The following PPP1R15B variants were observed in gnomAD, a reference collection of about 807,000 sequenced individuals.
PPP1R15B encodes protein phosphatase 1, regulatory (inhibitor) subunit 15B.
A neutral mutation model predicts 53.9 loss-of-function variants in PPP1R15B; 31 were observed. The observed-to-expected ratio is 0.58, with a 90% CI of 0.43 to 0.78. The LOEUF (loss-of-function observed/expected upper bound fraction) is 0.78, where lower values mean the gene tolerates loss of function less well. Ranked by LOEUF, PPP1R15B falls within the 30% of genes least tolerant of loss-of-function variation. PPP1R15B has a pLI of 0.00. For missense variants in PPP1R15B, 928 were observed against 849.6 expected, an observed-to-expected ratio of 1.09 and a Z score of -1.15; for synonymous variants, 345 against 329.1, an observed-to-expected ratio of 1.05 and a Z score of -0.52.
In PPP1R15B at chr1:204,403,422, GATTA is replaced by G. The variant is rs1221470548; in HGVS notation, c.*2666_*2669del. ...GCAAATATATTTATTACAATTTACAGATTAGTTATGTTATATACACAAATATAAT... is the reference window on the plus strand; with the variant it reads ...GCAAATATATTTATTACAATTTACAGGTTATGTTATATACACAAATATAAT... On this transcript the variant is annotated 3_prime_UTR_variant, in exon 2 of 2. Transcript: ENST00000367188. The G allele has an allele frequency of 3.4e-5, 25 of 736,770 alleles. No individual in the cohort carries two copies. Among genetic ancestry groups the G allele is most frequent in the African/African-American group, 2.7e-4 (14 of 52,142 alleles). The allele number at this position is 736,770 out of a possible 1,614,324, so 45.6% of individuals were successfully genotyped here.
downstream of PPP1R15B, among the ~76,000 whole-genome samples, chr1:204,398,678 G>T (rs1340735905): frequency 1.3e-5 from 2 of 152,112 alleles, no homozygotes; most frequent in African/African-American, 2.4e-5. Flanking sequence ...ATAGCAACCA[G>T]ATCTGTAATA....
chr1:204,406,283 A>G lies in PPP1R15B; in HGVS notation c.1951T>C (p.Tyr651His). ...TTGCGATCCTCATCACCACTTATAT[A>G]ATACTCAGTAACTTCTTCAAGGAAG... is the stretch of plus-strand genomic sequence containing the variant. ...VTFLEEVTEY[Y>H]ISGDEDRKGP... The change falls in exon 2 of 2, where the codon TAT (tyrosine) becomes CAT (histidine). Residue 651 changes from tyrosine to histidine, a missense_variant. Transcript: ENST00000367188. 1 of 1,613,992 alleles carries G rather than the reference A, an allele frequency of 6.2e-7. No individual in the cohort carries two copies. Among genetic ancestry groups the G allele is most frequent in the East Asian group, 2.2e-5 (1 of 44,878 alleles).
chr1:204,396,552 CAA>C (rs5780236), downstream of PPP1R15B, among the ~76,000 whole-genome samples: 10 of 131,010 alleles, frequency 7.6e-5, no homozygotes, highest in Admixed American at 1.5e-4. Context: ...CCCTGTCTGT[CAA>C]AAAAAAAAAA....
rs376785542 is a variant in PPP1R15B at position 204,410,850 on chromosome 1, T to C, written c.562A>G (p.Ser188Gly). ...GAGTACAGACGGGATTGAAGGCTAC[T>C]GGGCAACAGCTCCACTCCCCACAGC... ...QQLWGVELLP[S>G]SLQSRLYSNR... Residue 188 changes from serine to glycine, a missense_variant, in exon 1 of 2, where the codon AGT (serine) becomes GGT (glycine). Coordinates refer to ENST00000367188, the MANE Select transcript of PPP1R15B (RefSeq NM_032833.5). 2.7e-5 allele frequency: 44 copies of C among 1,614,114 alleles called. 1 individual carries two copies. In the Admixed American group the frequency reaches 7.0e-4, roughly 26 times the overall value.
In PPP1R15B at chr1:204,406,013, C is replaced by A; in HGVS notation, c.*79G>T. 4.6e-6 allele frequency: 7 copies of A among 1,517,202 alleles called. No homozygotes were observed. Among genetic ancestry groups the A allele is most frequent in the East Asian group, 2.3e-5 (1 of 43,490 alleles). 94.0% of individuals were successfully genotyped at this position (1,517,202 alleles called of 1,614,324 possible). A position where few individuals can be genotyped will look rare whatever the true frequency, so the allele number is the denominator to read the frequency against. ...CTCTAAAAAAAAAAATGTCAAAGGA[C>A]AGCTGCCAAGATTTGTTTTTAAAAG... On this transcript the variant is annotated 3_prime_UTR_variant, in exon 2 of 2. Coordinates refer to ENST00000367188, the MANE Select transcript of PPP1R15B (RefSeq NM_032833.5).
chr1:204,407,746 G>A (rs185429754), intron 1 of PPP1R15B, among the ~76,000 whole-genome samples: 6 of 152,052 alleles, frequency 3.9e-5, no homozygotes, highest in Non-Finnish European at 7.4e-5. Context: ...TTAACCCTAT[G>A]AGGTATGGAC....
At chr1:204,399,435 C>A (rs1331387830), downstream of PPP1R15B, among the ~76,000 whole-genome samples, 1 of 152,064 alleles carries the variant, frequency 6.6e-6, no homozygotes, top group Admixed American at 6.6e-5. Context: ...TGGCATCTGC[C>A]TGTAGTCCCA....
At chr1:204,409,127 G>A (rs1674313539) in intron 1 of PPP1R15B, among the ~76,000 whole-genome samples, 1 of 152,156 alleles carries the variant, frequency 6.6e-6, no homozygotes, top group South Asian at 2.1e-4. Context: ...GCTGTAACAG[G>A]ACCTTTTCAA....
chr1:204,408,349 A>T (rs1247040444), intron 1 of PPP1R15B, among the ~76,000 whole-genome samples: 4 of 152,242 alleles, frequency 2.6e-5, no homozygotes, highest in African/African-American at 4.8e-5. Flanking sequence ...GAGAGATGGC[A>T]TTTACAAAGT....
At chr1:204,397,253 G>A (rs954980358), downstream of PPP1R15B, among the ~76,000 whole-genome samples, 8 of 151,938 alleles carry the variant, frequency 5.3e-5, no homozygotes, top group African/African-American at 1.9e-4. Flanking sequence ...GCCCAGGCGT[G>A]ATGGCTCACG....
rs569566893 is a variant in PPP1R15B, at chr1:204,411,648, C to T, written c.-237G>A. 9 of 595,210 alleles carry T rather than the reference C, an allele frequency of 1.5e-5. No individual in the cohort carries two copies. The highest frequency in any genetic ancestry group is 2.7e-5 in the Non-Finnish European group (9 of 337,986). 36.9% of individuals were successfully genotyped at this position (595,210 alleles called of 1,614,324 possible). A position where few individuals can be genotyped will look rare whatever the true frequency, so the allele number is the denominator to read the frequency against. Reference sequence around the variant, plus strand: ...GCGACTGATGCGACTTCCATCCTGGCGGGGAAGGAGGTTCCCTAGTCGGCT... The same window carrying T: ...GCGACTGATGCGACTTCCATCCTGGTGGGGAAGGAGGTTCCCTAGTCGGCT... On this transcript the variant is annotated 5_prime_UTR_variant, in exon 1 of 2. Coordinates refer to ENST00000367188, the MANE Select transcript of PPP1R15B (RefSeq NM_032833.5).
chr1:204,406,815 TATTTC>T (rs1415707117), intron 1 of PPP1R15B, among the ~76,000 whole-genome samples: 2 of 151,992 alleles, frequency 1.3e-5, no homozygotes, highest in Non-Finnish European at 2.9e-5. Flanking sequence ...GTCACCTAAA[TATTTC>T]ATATAGAGAT....
Position 204,409,539 on chromosome 1 carries a change from G to A in PPP1R15B, c.1873C>T (p.Arg625Cys), listed in dbSNP as rs764724044. 5.6e-6 allele frequency: 9 copies of A among 1,613,942 alleles called. No homozygotes were observed. Among genetic ancestry groups the A allele is most frequent in the South Asian group, 4.4e-5 (4 of 91,060 alleles). ...TGTCTTCCTCCAGAAAGAACGTCAC[G>A]CTGTACCGAGTCTGGACATTCACTT... The part of the protein sequence containing the change: ...QESECPDSVQ[R>C]DVLSGGRHTH... Residue 625 changes from arginine (R) to cysteine (C), a missense_variant, in exon 1 of 2, where the codon CGT becomes TGT. Arg to Cys is a radical substitution (Grantham distance 180). Transcript: ENST00000367188.
chr1:204,406,959 A>G (rs888570337), intron 1 of PPP1R15B, among the ~76,000 whole-genome samples: 1 of 151,562 alleles, frequency 6.6e-6, no homozygotes, highest in Non-Finnish European at 1.5e-5. Context: ...CAGATAGGGA[A>G]TTGAATTTTT....
rs72752050 is a variant in PPP1R15B, at chr1:204,403,395, T to C, written c.*2697A>G. On this transcript the variant is annotated 3_prime_UTR_variant, in exon 2 of 2. Coordinates refer to ENST00000367188, the MANE Select transcript of PPP1R15B (RefSeq NM_032833.5). ...CAAAATATCACTTAACATTTAATAA[T>C]TGCAAATATATTTATTACAATTTAC... 4,470 of 697,868 alleles carry C rather than the reference T, an allele frequency of 6.4e-3. 29 individuals carry two copies. The highest frequency in any genetic ancestry group is 8.2e-3 in the Middle Eastern group (11 of 1,338). The allele number at this position is 697,868 out of a possible 1,614,324, so 43.2% of individuals were successfully genotyped here.
Sources: allele counts gnomAD v4.1 joint callset (sites outside exome capture counted in the v4.1 genomes callset), GRCh38; gene constraint gnomAD v4.1.1; transcripts MANE v1.5; gene names NCBI Gene and HGNC (gene_info 2026-07-23, HGNC 2026-07-21).